ACAP2: variants seen among roughly 807,000 people sequenced by gnomAD.
The protein encoded by ACAP2 is ArfGAP with coiled-coil, ankyrin repeat and PH domains 2.
A neutral mutation model predicts 115.8 loss-of-function variants in ACAP2; 39 were observed. That is an observed-to-expected ratio of 0.34 (90% CI 0.26 to 0.44). ACAP2 has a LOEUF of 0.44. Ranked by LOEUF, ACAP2 falls within the 20% of genes least tolerant of loss-of-function variation. ACAP2 has a pLI of 1.00. For synonymous variants in ACAP2, 289 were observed against 315.8 expected (o/e 0.92, Z 0.90); for missense variants, 662 against 927.6 (o/e 0.71, Z 3.72).
intron 15 of ACAP2, among the ~76,000 whole-genome samples, chr3:195,300,547 GGAAGACTTGGTATGAT>G (rs1727980217): frequency 6.6e-6 from 1 of 152,164 alleles, no homozygotes; most frequent in South Asian, 2.1e-4. Context: ...AGGGAAAAAA[GGAAGACTTGGTATGAT>G]GACTCCTAAC....
At chr3:195,301,338 G>A (rs1165215732) in intron 15 of ACAP2, among the ~76,000 whole-genome samples, 7 of 152,156 alleles carry the variant, frequency 4.6e-5, no homozygotes, top group African/African-American at 1.7e-4. Context: ...CGCCCGCCTC[G>A]GCTTCCTAAA....
chr3:195,380,390 T>A (rs1413339144), intron 4 of ACAP2, among the ~76,000 whole-genome samples: 1 of 152,196 alleles, frequency 6.6e-6, no homozygotes, highest in Non-Finnish European at 1.5e-5. Context: ...TAAATAATTA[T>A]ACAACAGCCA....
intron 13 of ACAP2, 95 bp downstream of exon 13, chr3:195,306,416 A>G: frequency 4.9e-6 from 3 of 612,686 alleles, no homozygotes; most frequent in Non-Finnish European, 8.1e-6. Flanking sequence ...ATCATCTTCC[A>G]TAACAAACGA....
intron 4 of ACAP2, among the ~76,000 whole-genome samples, chr3:195,365,814 T>C (rs1732674728): frequency 6.6e-6 from 1 of 151,846 alleles, no homozygotes; most frequent in Non-Finnish European, 1.5e-5. Context: ...TATTATTTAT[T>C]CCTCTCTACT....
chr3:195,391,163 C>A (rs939465321), intron 2 of ACAP2, among the ~76,000 whole-genome samples: 3 of 151,718 alleles, frequency 2.0e-5, no homozygotes, highest in Admixed American at 6.6e-5. Context: ...TATATGAAAT[C>A]CATTAAGCAA....
intron 1 of ACAP2, among the ~76,000 whole-genome samples, chr3:195,417,621 A>G (rs775337020): frequency 1.2e-4 from 18 of 152,192 alleles, no homozygotes; most frequent in Non-Finnish European, 2.1e-4. Flanking sequence ...CACTGCAAGT[A>G]CCATGTTCTT....
chr3:195,391,431 G>A (rs992285103), intron 2 of ACAP2, among the ~76,000 whole-genome samples: 16 of 151,700 alleles, frequency 1.1e-4, no homozygotes, highest in Admixed American at 5.9e-4. Context: ...TCTCCATGGT[G>A]GTCAGACTGG....
chr3:195,298,741 C>T (rs1727822159), intron 15 of ACAP2, among the ~76,000 whole-genome samples: 1 of 152,162 alleles, frequency 6.6e-6, no homozygotes, highest in Non-Finnish European at 1.5e-5. Flanking sequence ...AAGCAATTCT[C>T]CTGCCTCAGC....
At chr3:195,358,932 C>T (rs1487058316) in intron 4 of ACAP2, among the ~76,000 whole-genome samples, 1 of 152,008 alleles carries the variant, frequency 6.6e-6, no homozygotes, top group Non-Finnish European at 1.5e-5. Context: ...ATTCTAAAAG[C>T]AGCACAAGAA....
intron 1 of ACAP2, among the ~76,000 whole-genome samples, chr3:195,405,286 T>C (rs1052236657): frequency 6.6e-6 from 1 of 152,216 alleles, no homozygotes; most frequent in African/African-American, 2.4e-5. Flanking sequence ...TACCCTTTGC[T>C]GATGAACTCT....
At chr3:195,341,974 G>A (rs1014635543) in intron 6 of ACAP2, among the ~76,000 whole-genome samples, 1 of 152,012 alleles carries the variant, frequency 6.6e-6, no homozygotes, top group Non-Finnish European at 1.5e-5. Flanking sequence ...GGTGTAATGT[G>A]CACTGGAGAC....
chr3:195,337,171 C>T (rs1175894999), intron 6 of ACAP2, among the ~76,000 whole-genome samples, 195 bp from the exon 7 acceptor site: 1 of 152,238 alleles, frequency 6.6e-6, no homozygotes, highest in Non-Finnish European at 1.5e-5. Flanking sequence ...AATTCTCGTA[C>T]ATTTCTGAGC....
At chr3:195,373,553 T>C (rs1401463427) in intron 4 of ACAP2, among the ~76,000 whole-genome samples, 1 of 152,198 alleles carries the variant, frequency 6.6e-6, no homozygotes, top group African/African-American at 2.4e-5. Flanking sequence ...TAACACTAGT[T>C]ATTGACTTTA....
chr3:195,308,902 GAAAT>G, intron 10 of ACAP2, 65 bp from the exon 11 acceptor site: 1 of 1,440,032 alleles, frequency 6.9e-7, no homozygotes, highest in Non-Finnish European at 9.6e-7. Flanking sequence ...TGTTAGAAAT[GAAAT>G]ATTTGAGAAA....
At chr3:195,387,692 G>C (rs185419880) in intron 2 of ACAP2, among the ~76,000 whole-genome samples, 1 of 152,304 alleles carries the variant, frequency 6.6e-6, no homozygotes, top group African/African-American at 2.4e-5. Flanking sequence ...CTGACCTCAA[G>C]TGATTCGCCT....
chr3:195,296,444 A>C (rs1186707595), intron 16 of ACAP2, among the ~76,000 whole-genome samples: 1 of 152,162 alleles, frequency 6.6e-6, no homozygotes, highest in Non-Finnish European at 1.5e-5. Flanking sequence ...CCTCTTAAAA[A>C]GTTTAGGTCT....
intron 2 of ACAP2, among the ~76,000 whole-genome samples, chr3:195,387,563 C>G (rs1045786254): frequency 1.3e-5 from 2 of 152,128 alleles, no homozygotes; most frequent in Non-Finnish European, 2.9e-5. Flanking sequence ...GCTCTGTCAC[C>G]CAGGCTGGAG....
At chr3:195,338,429 A>G (rs563942453) in intron 6 of ACAP2, among the ~76,000 whole-genome samples, 9 of 152,066 alleles carry the variant, frequency 5.9e-5, no homozygotes, top group Non-Finnish European at 1.3e-4. Context: ...CTCCCATCTC[A>G]GCTTCCCGAG....
At chr3:195,440,663 C>A (rs1715923464) in intron 1 of ACAP2, among the ~76,000 whole-genome samples, 1 of 152,210 alleles carries the variant, frequency 6.6e-6, no homozygotes, top group South Asian at 2.1e-4. Flanking sequence ...AAGTAAAGCT[C>A]TTCTTATACA....
Sources: allele counts gnomAD v4.1 joint callset (sites outside exome capture counted in the v4.1 genomes callset), GRCh38; gene constraint gnomAD v4.1.1; transcripts MANE v1.5; gene names NCBI Gene and HGNC (gene_info 2026-07-23, HGNC 2026-07-21).